The following CCDC171 variants were observed in gnomAD, a reference collection of about 807,000 sequenced individuals.
The protein encoded by CCDC171 is coiled-coil domain containing 171, also known as coiled-coil domain-containing protein 171.
Under a neutral mutation model 168.2 loss-of-function variants are expected in CCDC171, and 177 were observed. The ratio of observed to expected loss-of-function variants is 1.05; its 90% CI spans 0.93 to 1.19. The LOEUF is 1.19. Among genes scored for constraint, CCDC171 ranks in the 50% most tolerant of loss-of-function variants. The pLI is 0.00. For missense variants in CCDC171, 1,991 were observed against 1,539.0 expected (o/e 1.29, Z -4.91); for synonymous variants, 687 against 540.8 (o/e 1.27, Z -3.75).
At chr9:15,565,461 G>A (rs2039657126) in intron 2 of CCDC171, among the ~76,000 whole-genome samples, 1 of 152,092 alleles carries the variant, frequency 6.6e-6, no homozygotes, top group Admixed American at 6.6e-5. Context: ...TGGAACTGTA[G>A]GCACGCACCA....
the CCDC171 span, among the ~76,000 whole-genome samples, chr9:16,107,102 T>C: frequency 2.6e-5 from 4 of 152,352 alleles, no homozygotes; most frequent in African/African-American, 9.6e-5. Context: ...CTTTTCTGAT[T>C]GTCACCCCTA....
intron 16 of CCDC171, among the ~76,000 whole-genome samples, chr9:15,741,181 A>G (rs866840120): frequency 3.3e-5 from 5 of 152,348 alleles, no homozygotes; most frequent in South Asian, 2.1e-4. Context: ...TATACAGTTC[A>G]GTGGCATTAA....
intron 24 of CCDC171, among the ~76,000 whole-genome samples, chr9:15,900,836 T>C (rs1179165768): frequency 6.6e-6 from 1 of 152,164 alleles, no homozygotes; most frequent in Non-Finnish European, 1.5e-5. Context: ...TCCTTACTCA[T>C]GGTTTTTGTT....
intron 8 of CCDC171, among the ~76,000 whole-genome samples, chr9:15,665,151 G>A (rs1313695264): frequency 1.3e-5 from 2 of 151,422 alleles, no homozygotes; most frequent in Non-Finnish European, 2.9e-5. Flanking sequence ...TATTTTGAGG[G>A]AAGGTCTCAC....
chr9:16,095,866 G>GTATATATATATATATATA, the CCDC171 span, among the ~76,000 whole-genome samples: 1 of 35,330 alleles, frequency 2.8e-5, no homozygotes, highest in African/African-American at 1.7e-4. Flanking sequence ...ACACACATAG[G>GTATATATATATATATATA]CACATATATA....
intron 21 of CCDC171, among the ~76,000 whole-genome samples, chr9:15,789,968 A>G (rs541609632): frequency 7.2e-5 from 11 of 152,252 alleles, no homozygotes; most frequent in African/African-American, 2.4e-4. Flanking sequence ...TCCATGGTGT[A>G]TATGTGCCAC....
chr9:15,954,893 T>C (rs1829629838), intron 25 of CCDC171, among the ~76,000 whole-genome samples: 1 of 152,140 alleles, frequency 6.6e-6, no homozygotes, highest in Non-Finnish European at 1.5e-5. Flanking sequence ...GTTGTTGTAA[T>C]GTCTTTGTCT....
At chr9:15,634,847 T>C (rs2046076373) in intron 7 of CCDC171, among the ~76,000 whole-genome samples, 1 of 152,200 alleles carries the variant, frequency 6.6e-6, no homozygotes, top group East Asian at 1.9e-4. Flanking sequence ...ACTTTCTGTC[T>C]TTATAGATTT....
intron 6 of CCDC171, among the ~76,000 whole-genome samples, chr9:15,617,711 T>C (rs2044194390): frequency 6.6e-6 from 1 of 152,126 alleles, no homozygotes; most frequent in Non-Finnish European, 1.5e-5. Flanking sequence ...GTTGATGTTG[T>C]TCCTTTCTGT....
At chr9:15,570,088 G>T (rs1189179956) in intron 2 of CCDC171, among the ~76,000 whole-genome samples, 1 of 151,832 alleles carries the variant, frequency 6.6e-6, no homozygotes, top group Non-Finnish European at 1.5e-5. Context: ...TCCTGCCTTT[G>T]CCTCCCAAGT....
At chr9:16,084,945 C>T in the CCDC171 span, among the ~76,000 whole-genome samples, 1 of 152,188 alleles carries the variant, frequency 6.6e-6, no homozygotes, top group South Asian at 2.1e-4. Context: ...TCTCTTTGAG[C>T]ATCAGTTTCA....
At chr9:15,910,005 C>T (rs1407221395) in intron 24 of CCDC171, among the ~76,000 whole-genome samples, 1 of 152,130 alleles carries the variant, frequency 6.6e-6, no homozygotes, top group Non-Finnish European at 1.5e-5. Context: ...TCTGTACTTC[C>T]ATGTGTAGCC....
At chr9:15,752,852 C>T (rs1356680501) in intron 18 of CCDC171, among the ~76,000 whole-genome samples, 9 of 151,924 alleles carry the variant, frequency 5.9e-5, no homozygotes, top group Admixed American at 5.9e-4. Flanking sequence ...AACAAACCTG[C>T]ACATTGTGTA....
intron 21 of CCDC171, among the ~76,000 whole-genome samples, chr9:15,836,392 GTCTC>G (rs908555250): frequency 1.3e-5 from 2 of 152,126 alleles, no homozygotes; most frequent in Non-Finnish European, 2.9e-5. Flanking sequence ...TTGAAACGGA[GTCTC>G]TCTCTGTCGC....
At chr9:15,574,671 G>A (rs276451) in intron 3 of CCDC171, among the ~76,000 whole-genome samples, 8,426 of 152,312 alleles carry the variant, frequency 0.055, 277 homozygotes, top group African/African-American at 0.091. Flanking sequence ...GCATCAGGAA[G>A]CAAGGCAGAG....
At chr9:15,613,774 C>T (rs574448137) in intron 6 of CCDC171, among the ~76,000 whole-genome samples, 68 of 152,168 alleles carry the variant, frequency 4.5e-4, no homozygotes, top group African/African-American at 1.3e-3. Context: ...CTGCCCGCCT[C>T]GGCCTCCCAA....
chr9:15,842,522 A>G (rs939950811), intron 21 of CCDC171, among the ~76,000 whole-genome samples: 4 of 152,062 alleles, frequency 2.6e-5, no homozygotes, highest in African/African-American at 9.7e-5. Flanking sequence ...GCAGTTTTCA[A>G]CTAGAGTTTG....
Position 15,571,670 on chromosome 9 carries a change from A to T in CCDC171, c.88A>T (p.Thr30Ser), listed in dbSNP as rs1436895813. Reference sequence around the variant, plus strand: ...TGTAAAACAAATACTTAAAAATGAAACAGAGTTGGATATTACTGATAATCT... The same window carrying T: ...TGTAAAACAAATACTTAAAAATGAATCAGAGTTGGATATTACTGATAATCT... ...LDVKQILKNE[T>S]ELDITDNLRK... Residue 30 changes from threonine (T) to serine (S), a missense_variant, in exon 3 of 26, where the codon ACA becomes TCA. Physicochemically the swap from Thr to Ser is moderately conservative, Grantham distance 58. Coordinates refer to ENST00000380701, the MANE Select transcript of CCDC171 (RefSeq NM_173550.4). 6.4e-7 allele frequency: 1 copy of T among 1,569,622 alleles called. No individual in the cohort carries two copies. The highest frequency in any genetic ancestry group is 8.6e-7 in the Non-Finnish European group (1 of 1,165,592).
chr9:15,910,197 CACACCAT>C (rs1307584443), intron 24 of CCDC171, among the ~76,000 whole-genome samples: 5 of 145,628 alleles, frequency 3.4e-5, no homozygotes, highest in Admixed American at 6.9e-5. Context: ...CACACACACA[CACACCAT>C]ATTTTCTTTA....
Sources: allele counts gnomAD v4.1 joint callset (sites outside exome capture counted in the v4.1 genomes callset), GRCh38; gene constraint gnomAD v4.1.1; transcripts MANE v1.5; gene names NCBI Gene and HGNC (gene_info 2026-07-23, HGNC 2026-07-21).